TTLL7: variants seen among roughly 807,000 people sequenced by gnomAD.
TTLL7 encodes the protein tubulin tyrosine ligase like 7, also known as tubulin polyglutamylase TTLL7.
TTLL7 carries 53 observed loss-of-function variants against 120.2 expected under a neutral mutation model. The observed-to-expected ratio is 0.44, with a 90% CI of 0.35 to 0.55. The LOEUF (loss-of-function observed/expected upper bound fraction) is 0.55, where lower values mean the gene tolerates loss of function less well. Ranked by LOEUF, TTLL7 falls within the 20% of genes least tolerant of loss-of-function variation. The pLI is 0.00. For synonymous variants in TTLL7, 353 were observed against 351.7 expected (o/e 1.00, Z -0.04); for missense variants, 803 against 1,054.7 (o/e 0.76, Z 3.31).
intron 7 of TTLL7, among the ~76,000 whole-genome samples, chr1:83,942,167 T>TTA (rs1648041532): frequency 6.6e-6 from 1 of 152,182 alleles, no homozygotes; most frequent in African/African-American, 2.4e-5. Context: ...TATAGTCATT[T>TTA]CTATACAGGA....
chr1:83,948,939 A>G (rs1320970512), intron 4 of TTLL7: 3 of 311,294 alleles, frequency 9.6e-6, no homozygotes, highest in Non-Finnish European at 1.8e-5. Flanking sequence ...TAGTAAAGTT[A>G]TAATTTTCTA....
chr1:83,898,346 T>C (rs1233500582), intron 18 of TTLL7, among the ~76,000 whole-genome samples: 1 of 152,038 alleles, frequency 6.6e-6, no homozygotes, highest in Admixed American at 6.6e-5. Flanking sequence ...CTTCTAAGGC[T>C]AGAGTACATT....
At chr1:83,966,719 G>GT (rs1036025683) in intron 1 of TTLL7, among the ~76,000 whole-genome samples, 9 of 151,988 alleles carry the variant, frequency 5.9e-5, no homozygotes, top group Admixed American at 3.3e-4. Flanking sequence ...TATCCATACT[G>GT]TTTTTTTAAC....
At chr1:83,924,843 A>C (rs2477201) in intron 10 of TTLL7, among the ~76,000 whole-genome samples, 41,584 of 152,014 alleles carry the variant, frequency 0.27, 7,191 homozygotes, top group East Asian at 0.6. Flanking sequence ...ACTGTACCAC[A>C]AAAGAGTTCT....
chr1:83,900,138 G>A (rs1472937451), intron 18 of TTLL7: 1 of 443,600 alleles, frequency 2.3e-6, no homozygotes, highest in Non-Finnish European at 4.5e-6. Context: ...CACATCACAT[G>A]TAAAAAACAG....
At chr1:83,907,303 T>C in intron 16 of TTLL7, 153 bp downstream of exon 16, 2 of 591,846 alleles carry the variant, frequency 3.4e-6, no homozygotes, top group Admixed American at 3.4e-5. Context: ...TACTAAATTG[T>C]AGGCTAAGGT....
intron 9 of TTLL7, among the ~76,000 whole-genome samples, chr1:83,932,000 A>G (rs1407776957): frequency 6.6e-6 from 1 of 152,190 alleles, no homozygotes; most frequent in Non-Finnish European, 1.5e-5. Flanking sequence ...GTTATTGTGG[A>G]GTGTTTTAAT....
intron 14 of TTLL7, among the ~76,000 whole-genome samples, chr1:83,916,926 TA>T (rs1432307175): frequency 6.6e-6 from 1 of 151,646 alleles, no homozygotes; most frequent in African/African-American, 2.4e-5. Context: ...ACCATCTCTT[TA>T]AAAAAAAGAA....
intron 5 of TTLL7, 112 bp downstream of exon 5, chr1:83,948,516 C>T (rs1391492364): frequency 1.4e-6 from 1 of 726,884 alleles, no homozygotes; most frequent in African/African-American, 1.8e-5. Flanking sequence ...AATTCTATCA[C>T]TCTCATCTAA....
chr1:83,882,444 GC>G (rs1654602487), intron 20 of TTLL7, among the ~76,000 whole-genome samples: 2 of 151,768 alleles, frequency 1.3e-5, no homozygotes, highest in South Asian at 4.2e-4. Flanking sequence ...AAACAATATT[GC>G]TTTTCATGCT....
At chr1:83,948,224 T>C (rs1648704812) in intron 5 of TTLL7, among the ~76,000 whole-genome samples, 1 of 148,752 alleles carries the variant, frequency 6.7e-6, no homozygotes, top group South Asian at 2.1e-4. Flanking sequence ...CAGCTTATAA[T>C]GCAACAAATT....
intron 1 of TTLL7, among the ~76,000 whole-genome samples, chr1:83,989,115 C>G (rs1299749353): frequency 6.6e-6 from 1 of 152,140 alleles, no homozygotes; most frequent in African/African-American, 2.4e-5. Flanking sequence ...GGCATTTTCT[C>G]CCATTCTGTA....
At chr1:83,936,704 T>C (rs1647426916) in intron 8 of TTLL7, among the ~76,000 whole-genome samples, 1 of 152,184 alleles carries the variant, frequency 6.6e-6, no homozygotes. Context: ...CCAGATGACA[T>C]TTTTGTTAGA....
intron 10 of TTLL7, among the ~76,000 whole-genome samples, chr1:83,926,748 CTTAAT>C (rs753639862): frequency 4.6e-5 from 7 of 152,110 alleles, no homozygotes; most frequent in African/African-American, 1.7e-4. Context: ...GGCAATTTAA[CTTAAT>C]TTAATTTAAT....
chr1:83,990,695 C>T (rs1039377126), intron 1 of TTLL7, among the ~76,000 whole-genome samples: 26 of 152,106 alleles, frequency 1.7e-4, no homozygotes, highest in Non-Finnish European at 3.4e-4. Flanking sequence ...CAAAATATCA[C>T]AAAATAAGTG....
intron 19 of TTLL7, among the ~76,000 whole-genome samples, chr1:83,884,513 C>T (rs1654803206): frequency 6.6e-6 from 1 of 151,616 alleles, no homozygotes; most frequent in South Asian, 2.1e-4. Context: ...CAATGAATGA[C>T]AGGTTTTCTT....
intron 10 of TTLL7, among the ~76,000 whole-genome samples, chr1:83,924,151 T>A (rs181175129): frequency 6.6e-6 from 1 of 152,226 alleles, no homozygotes; most frequent in Admixed American, 6.5e-5. Context: ...GCCATTACCC[T>A]CGAGGAGCTG....
intron 18 of TTLL7, among the ~76,000 whole-genome samples, chr1:83,902,509 A>C (rs1006205027): frequency 2.0e-5 from 3 of 152,056 alleles, no homozygotes; most frequent in Non-Finnish European, 4.4e-5. Flanking sequence ...TCTGTCAGCA[A>C]TATGTGACAC....
intron 20 of TTLL7, among the ~76,000 whole-genome samples, chr1:83,873,269 G>A (rs1490714958): frequency 2.0e-5 from 3 of 152,160 alleles, no homozygotes; most frequent in Non-Finnish European, 4.4e-5. Context: ...CCTAATGCAA[G>A]TGCTGTGGGA....
Sources: allele counts gnomAD v4.1 joint callset (sites outside exome capture counted in the v4.1 genomes callset), GRCh38; gene constraint gnomAD v4.1.1; transcripts MANE v1.5; gene names NCBI Gene and HGNC (gene_info 2026-07-23, HGNC 2026-07-21).